GPC6: variants seen among roughly 807,000 people sequenced by gnomAD.
GPC6 encodes the protein glypican 6.
GPC6 carries 14 observed loss-of-function variants against 55.2 expected under a neutral mutation model. That is an observed-to-expected ratio of 0.25 (90% CI 0.17 to 0.40). The LOEUF is 0.40. GPC6 is among the 10% of genes least tolerant of loss of function. The pLI is 1.00. For synonymous variants in GPC6, 278 were observed against 259.6 expected (o/e 1.07, Z -0.68); for missense variants, 641 against 708.5 (o/e 0.90, Z 1.08).
chr13:94,232,813 A>AGGTGGAG (rs1292153131), intron 4 of GPC6, among the ~76,000 whole-genome samples: 1 of 152,052 alleles, frequency 6.6e-6, no homozygotes, highest in East Asian at 1.9e-4. Flanking sequence ...CTCTGGGCCA[A>AGGTGGAG]GGTGGAGGCC....
chr13:93,292,119 A>AT (rs1162406962), intron 1 of GPC6, among the ~76,000 whole-genome samples: 8 of 152,222 alleles, frequency 5.3e-5, no homozygotes, highest in African/African-American at 1.4e-4. Flanking sequence ...TTCATCATTG[A>AT]TAAGCCATTT....
intron 3 of GPC6, among the ~76,000 whole-genome samples, chr13:93,885,542 A>G (rs1429114766): frequency 6.6e-6 from 1 of 151,930 alleles, no homozygotes; most frequent in Non-Finnish European, 1.5e-5. Flanking sequence ...CACTGGTAAG[A>G]TTGACATAAT....
intron 2 of GPC6, among the ~76,000 whole-genome samples, chr13:93,796,745 T>C (rs1038287456): frequency 3.2e-4 from 49 of 152,108 alleles, no homozygotes; most frequent in African/African-American, 1.2e-3. Context: ...GTGAAAGAGG[T>C]ATGAGTACTT....
chr13:93,490,820 T>G (rs1258768423), intron 1 of GPC6, among the ~76,000 whole-genome samples: 1 of 107,586 alleles, frequency 9.3e-6, no homozygotes, highest in African/African-American at 3.5e-5. Context: ...GTTTCCAATT[T>G]CATCCATGTC....
chr13:94,111,694 A>G (rs1047793309), intron 4 of GPC6, among the ~76,000 whole-genome samples: 2 of 151,934 alleles, frequency 1.3e-5, no homozygotes, highest in African/African-American at 4.8e-5. Context: ...ACTTCTGACA[A>G]TTGATCGTAT....
At chr13:94,067,610 GATA>G (rs1884571632) in intron 4 of GPC6, among the ~76,000 whole-genome samples, 2 of 151,750 alleles carry the variant, frequency 1.3e-5, no homozygotes, top group Non-Finnish European at 2.9e-5. Flanking sequence ...TAGATAGATA[GATA>G]GATAGATAGA....
chr13:93,467,669 C>T (rs1055745004), intron 1 of GPC6, among the ~76,000 whole-genome samples: 1 of 146,142 alleles, frequency 6.8e-6, no homozygotes, highest in Non-Finnish European at 1.5e-5. Flanking sequence ...ACTGCAGTCT[C>T]GAGCTCCTGG....
intron 3 of GPC6, among the ~76,000 whole-genome samples, chr13:93,925,676 C>T (rs1403263209): frequency 2.0e-5 from 3 of 152,158 alleles, no homozygotes; most frequent in Non-Finnish European, 4.4e-5. Context: ...TTATTACGCT[C>T]GTGGTTCTCT....
At chr13:93,465,388 A>G (rs1594189347) in intron 1 of GPC6, among the ~76,000 whole-genome samples, 1 of 148,182 alleles carries the variant, frequency 6.7e-6, no homozygotes, top group Non-Finnish European at 1.5e-5. Flanking sequence ...GTCACCATCA[A>G]TTCTTTTTTA....
intron 1 of GPC6, among the ~76,000 whole-genome samples, chr13:93,479,795 A>G (rs1308634673): frequency 3.3e-5 from 5 of 152,222 alleles, no homozygotes; most frequent in Admixed American, 3.3e-4. Flanking sequence ...GAGAGTTCAT[A>G]TAGAAGGCTG....
chr13:94,070,619 G>T (rs181520822), intron 4 of GPC6, among the ~76,000 whole-genome samples: 50 of 152,266 alleles, frequency 3.3e-4, no homozygotes, highest in South Asian at 1.7e-3. Context: ...AGATAATTCA[G>T]TGTTGAATAC....
chr13:93,933,406 G>A (rs980779690), intron 3 of GPC6, among the ~76,000 whole-genome samples: 5 of 152,018 alleles, frequency 3.3e-5, no homozygotes, highest in Non-Finnish European at 5.9e-5. Context: ...TGACATAAAT[G>A]TTAGGATTAC....
chr13:94,403,344 T>C lies in GPC6; in HGVS notation c.*127T>C. On this transcript the variant is annotated 3_prime_UTR_variant, in exon 9 of 9. Transcript: ENST00000377047. ...ACCGTTTTCTATGAGAAGAGAGCAG[T>C]AATGCAATCTGCCTCCCTTTTTGTT... 1.4e-6 allele frequency: 1 copy of C among 738,160 alleles called. No homozygotes were observed. Among genetic ancestry groups the C allele is most frequent in the South Asian group, 1.5e-5 (1 of 67,482 alleles). The allele number at this position is 738,160 out of a possible 1,614,324, so 45.7% of individuals were successfully genotyped here.
At chr13:93,459,817 T>C (rs1477094654) in intron 1 of GPC6, among the ~76,000 whole-genome samples, 1 of 152,210 alleles carries the variant, frequency 6.6e-6, no homozygotes, top group Non-Finnish European at 1.5e-5. Flanking sequence ...TTAGTGCTAC[T>C]GGATTTTAAT....
intron 1 of GPC6, among the ~76,000 whole-genome samples, chr13:93,457,604 C>A (rs17267794): frequency 0.22 from 33,395 of 151,934 alleles, 4,161 homozygotes; most frequent in Middle Eastern, 0.37. Context: ...CATGATCTCC[C>A]AAGTAAGGGA....
intron 2 of GPC6, among the ~76,000 whole-genome samples, chr13:93,719,348 G>C (rs1883368126): frequency 6.6e-6 from 1 of 152,016 alleles, no homozygotes; most frequent in Admixed American, 6.6e-5. Flanking sequence ...TGTAGCAATT[G>C]AGAATGGGAG....
chr13:94,090,375 A>G (rs1885436620), intron 4 of GPC6, among the ~76,000 whole-genome samples: 1 of 152,158 alleles, frequency 6.6e-6, no homozygotes, highest in Non-Finnish European at 1.5e-5. Flanking sequence ...CAGCCAAACC[A>G]TATCATTATC....
chr13:93,929,333 T>G (rs556283924), intron 3 of GPC6, among the ~76,000 whole-genome samples: 2 of 152,210 alleles, frequency 1.3e-5, no homozygotes, highest in African/African-American at 4.8e-5. Flanking sequence ...CCATACATTT[T>G]ATGCCAAAAA....
chr13:94,262,337 T>A (rs1204679889), intron 4 of GPC6, among the ~76,000 whole-genome samples: 1 of 152,046 alleles, frequency 6.6e-6, no homozygotes, highest in East Asian at 1.9e-4. Flanking sequence ...AAGGGGAATT[T>A]TTAAAGTCTC....
Sources: allele counts gnomAD v4.1 joint callset (sites outside exome capture counted in the v4.1 genomes callset), GRCh38; gene constraint gnomAD v4.1.1; transcripts MANE v1.5; gene names NCBI Gene and HGNC (gene_info 2026-07-23, HGNC 2026-07-21).